The following EXOC6B variants were observed in gnomAD, a reference collection of about 807,000 sequenced individuals.
EXOC6B encodes SEC15 homolog B.
EXOC6B carries 54 observed loss-of-function variants against 113.5 expected under a neutral mutation model. The observed-to-expected ratio is 0.48, with a 90% confidence interval of 0.38 to 0.60. The LOEUF is 0.60. Ranked by LOEUF, EXOC6B falls within the 20% of genes least tolerant of loss-of-function variation. The pLI is 0.00. For missense variants in EXOC6B, 797 were observed against 977.5 expected (o/e 0.82, Z 2.46); for synonymous variants, 357 against 339.0 (o/e 1.05, Z -0.58).
rs569407023 is a variant in EXOC6B, at chr2:72,356,942, C to T, written c.2123-21922G>A. On this transcript the variant is annotated intron_variant, in intron 19 of 21. Transcript: ENST00000272427. ...GAGAAGTGAGACGGCCACTAAGTGACCAACGATTAACAGGTAGGTAGCATA... is the reference window on the plus strand; with the variant it reads ...GAGAAGTGAGACGGCCACTAAGTGATCAACGATTAACAGGTAGGTAGCATA... 3.9e-5 allele frequency among the ~76,000 whole-genome samples: 6 copies of T among 152,204 alleles called. No homozygotes were observed. The South Asian group carries it at 1.0e-3, about 26-fold the overall frequency.
chr2:72,327,006 A>G (rs1688164009), intron 20 of EXOC6B, among the ~76,000 whole-genome samples: 1 of 151,976 alleles, frequency 6.6e-6, no homozygotes, highest in African/African-American at 2.4e-5. Flanking sequence ...AAATATGTCA[A>G]AAGCCTGGTA....
At chr2:72,553,294 G>A (rs188859412) in intron 8 of EXOC6B, among the ~76,000 whole-genome samples, 15 of 152,152 alleles carry the variant, frequency 9.9e-5, no homozygotes, top group African/African-American at 3.4e-4. Flanking sequence ...GAGGTTGGGG[G>A]AAAGCTCAAT....
chr2:72,258,360 TC>T (rs762375144), intron 20 of EXOC6B, among the ~76,000 whole-genome samples: 3 of 149,396 alleles, frequency 2.0e-5, no homozygotes, highest in South Asian at 2.1e-4. Flanking sequence ...TTTATCTTTT[TC>T]TTTTTTTTTT....
At chr2:72,654,130 C>T (rs186212106) in intron 6 of EXOC6B, among the ~76,000 whole-genome samples, 2 of 152,168 alleles carry the variant, frequency 1.3e-5, no homozygotes, top group East Asian at 1.9e-4. Context: ...CCATCGCGCC[C>T]GGCTAATTTT....
chr2:72,796,593 A>G (rs1684966957), intron 1 of EXOC6B, among the ~76,000 whole-genome samples: 1 of 152,202 alleles, frequency 6.6e-6, no homozygotes, highest in African/African-American at 2.4e-5. Flanking sequence ...TAGGCACTAA[A>G]TAATTCATTT....
intron 19 of EXOC6B, among the ~76,000 whole-genome samples, chr2:72,371,566 A>G (rs1267818841): frequency 6.6e-6 from 1 of 152,242 alleles, no homozygotes; most frequent in East Asian, 1.9e-4. Context: ...CAACATATGA[A>G]GAGAATGGAG....
At chr2:72,455,653 A>G (rs1697185226) in intron 18 of EXOC6B, among the ~76,000 whole-genome samples, 1 of 152,122 alleles carries the variant, frequency 6.6e-6, no homozygotes, top group Non-Finnish European at 1.5e-5. Flanking sequence ...AGCTAATCTA[A>G]TTTTTCTTTT....
chr2:72,224,994 G>GTGTGTGTATATATATATATA (rs908047817), intron 20 of EXOC6B, among the ~76,000 whole-genome samples: 15 of 137,310 alleles, frequency 1.1e-4, no homozygotes, highest in African/African-American at 3.2e-4. Context: ...GTGTGTGTGT[G>GTGTGTGTATATATATATATA]TATATATATA....
intron 8 of EXOC6B, among the ~76,000 whole-genome samples, chr2:72,550,081 G>A (rs960185806): frequency 2.0e-5 from 3 of 151,752 alleles, no homozygotes; most frequent in African/African-American, 7.3e-5. Context: ...CGAGAGATAT[G>A]GTTTATTTTC....
chr2:72,555,025 G>T (rs1452306313), intron 8 of EXOC6B, among the ~76,000 whole-genome samples: 4 of 152,092 alleles, frequency 2.6e-5, no homozygotes, highest in African/African-American at 9.7e-5. Flanking sequence ...CTGTCCTTGT[G>T]ATAGTTTGCT....
chr2:72,807,318 A>G (rs1685632948), intron 1 of EXOC6B, among the ~76,000 whole-genome samples: 1 of 152,092 alleles, frequency 6.6e-6, no homozygotes, highest in South Asian at 2.1e-4. Flanking sequence ...TTTATCAAAG[A>G]TCAGATGGTT....
intron 20 of EXOC6B, among the ~76,000 whole-genome samples, chr2:72,258,847 A>C (rs1313207028): frequency 6.6e-6 from 1 of 152,168 alleles, no homozygotes; most frequent in African/African-American, 2.4e-5. Flanking sequence ...ATTAATTTCA[A>C]AATTTTCAAA....
intron 20 of EXOC6B, among the ~76,000 whole-genome samples, chr2:72,186,383 T>C (rs1678436794): frequency 6.6e-6 from 1 of 152,204 alleles, no homozygotes; most frequent in Non-Finnish European, 1.5e-5. Context: ...CCACTTTACT[T>C]GCTTCCTGGG....
chr2:72,536,553 G>T (rs1422746084), intron 8 of EXOC6B, among the ~76,000 whole-genome samples: 2 of 151,866 alleles, frequency 1.3e-5, no homozygotes, highest in African/African-American at 4.8e-5. Context: ...ATATTTTTGG[G>T]GTTGTAAATA....
intron 6 of EXOC6B, among the ~76,000 whole-genome samples, chr2:72,644,245 G>GA (rs902407665): frequency 3.3e-5 from 5 of 152,124 alleles, no homozygotes; most frequent in African/African-American, 4.8e-5. Context: ...TAAGTTTAGA[G>GA]AAAAAACAGC....
At chr2:72,484,085 C>T (rs530719963) in intron 16 of EXOC6B, among the ~76,000 whole-genome samples, 2 of 151,968 alleles carry the variant, frequency 1.3e-5, no homozygotes, top group African/African-American at 4.8e-5. Context: ...GTCTCTCCTT[C>T]CTTGTATCGG....
At chr2:72,192,444 T>G (rs1195021410) in intron 20 of EXOC6B, among the ~76,000 whole-genome samples, 1 of 151,978 alleles carries the variant, frequency 6.6e-6, no homozygotes, top group Non-Finnish European at 1.5e-5. Flanking sequence ...CTATGACAGG[T>G]GAGTGGGAAT....
At chr2:72,337,535 A>G (rs1688761362) in intron 19 of EXOC6B, among the ~76,000 whole-genome samples, 1 of 152,156 alleles carries the variant, frequency 6.6e-6, no homozygotes, top group Admixed American at 6.6e-5. Context: ...AGCTGATGAA[A>G]CAACTTAGGA....
chr2:72,362,908 C>G (rs1690408288), intron 19 of EXOC6B, among the ~76,000 whole-genome samples: 1 of 152,104 alleles, frequency 6.6e-6, no homozygotes, highest in Non-Finnish European at 1.5e-5. Context: ...AGTGGTTGAG[C>G]TGGAATATGA....
Sources: allele counts gnomAD v4.1 joint callset (sites outside exome capture counted in the v4.1 genomes callset), GRCh38; gene constraint gnomAD v4.1.1; transcripts MANE v1.5; gene names NCBI Gene and HGNC (gene_info 2026-07-23, HGNC 2026-07-21).